Variants in RARB observed in about 807,000 individuals in gnomAD.
The protein encoded by RARB is HBV-activated protein.
RARB carries 17 observed loss-of-function variants against 51.9 expected under a neutral mutation model. That is an observed-to-expected ratio of 0.33 (90% confidence interval 0.22 to 0.49). RARB has a LOEUF of 0.49. Among genes scored for constraint, RARB ranks in the 20% least tolerant of loss-of-function variants. The probability of loss-of-function intolerance (pLI) is 0.99; values close to 1 mark genes in which losing one functional copy is unlikely to be tolerated. For missense variants in RARB, 369 were observed against 550.8 expected, an observed-to-expected ratio of 0.67 and a Z score of 3.30; for synonymous variants, 215 against 195.4, an observed-to-expected ratio of 1.10 and a Z score of -0.84.
chr3:25,103,354 C>A (rs572850281), intron 3 of RARB, among the ~76,000 whole-genome samples: 8 of 152,290 alleles, frequency 5.3e-5, no homozygotes, highest in Non-Finnish European at 1.2e-4. Context: ...GGCTTCTTCT[C>A]ACAATTCCAT....
upstream of RARB, among the ~76,000 whole-genome samples, chr3:25,426,043 C>A (rs552450528): frequency 4.6e-5 from 7 of 152,058 alleles, no homozygotes; most frequent in African/African-American, 1.5e-4. Flanking sequence ...CTCCACTGTC[C>A]GGTAAAAATG....
chr3:24,842,306 A>G (rs1041533853), intron 1 of RARB, among the ~76,000 whole-genome samples: 2 of 152,226 alleles, frequency 1.3e-5, no homozygotes, highest in African/African-American at 4.8e-5. Context: ...AAACTACTTC[A>G]AAATGGAATT....
intron 4 of RARB, among the ~76,000 whole-genome samples, chr3:25,163,052 A>G (rs950003148): frequency 6.6e-6 from 1 of 152,230 alleles, no homozygotes; most frequent in Non-Finnish European, 1.5e-5. Flanking sequence ...ACGTTAAAGC[A>G]TTTCAATGTC....
At chr3:24,916,685 T>TA (rs1393056649) in intron 2 of RARB, among the ~76,000 whole-genome samples, 1 of 141,406 alleles carries the variant, frequency 7.1e-6, no homozygotes, top group Admixed American at 7.6e-5. Flanking sequence ...ACCATTTTGG[T>TA]AAAAAGTATT....
chr3:24,913,195 A>G (rs988957315), intron 2 of RARB, among the ~76,000 whole-genome samples: 10 of 151,628 alleles, frequency 6.6e-5, no homozygotes, highest in East Asian at 1.9e-4. Flanking sequence ...TGTGTTAGCC[A>G]CGATGGTCTC....
intron 5 of RARB, among the ~76,000 whole-genome samples, chr3:25,315,140 T>C (rs967771368): frequency 6.6e-5 from 10 of 152,204 alleles, no homozygotes; most frequent in Non-Finnish European, 2.9e-5. Context: ...GGAAAAATTC[T>C]TAAGAGTACG....
chr3:24,976,547 T>A (rs1333644478), intron 2 of RARB, among the ~76,000 whole-genome samples: 1 of 152,256 alleles, frequency 6.6e-6, no homozygotes, highest in Non-Finnish European at 1.5e-5. Context: ...TTCATGTGTC[T>A]GTTGGCTGCA....
intron 5 of RARB, among the ~76,000 whole-genome samples, chr3:25,406,827 T>G (rs139924192): frequency 6.6e-6 from 1 of 152,138 alleles, no homozygotes; most frequent in African/African-American, 2.4e-5. Context: ...GAGCTTGTGC[T>G]CACGTATTTT....
At chr3:24,879,376 G>A (rs1422381507) in intron 2 of RARB, among the ~76,000 whole-genome samples, 1 of 151,518 alleles carries the variant, frequency 6.6e-6, no homozygotes, top group Non-Finnish European at 1.5e-5. Context: ...TTGCAGTGAG[G>A]CGAGATCGCA....
intron 4 of RARB, among the ~76,000 whole-genome samples, chr3:25,573,059 A>AC (rs1367606543): frequency 3.3e-5 from 5 of 151,198 alleles, no homozygotes; most frequent in South Asian, 2.1e-4. Context: ...GGAGAGATAA[A>AC]CCCCCCCAGC....
intron 2 of RARB, among the ~76,000 whole-genome samples, chr3:25,042,427 A>G (rs1334477029): frequency 2.6e-5 from 4 of 152,216 alleles, no homozygotes; most frequent in African/African-American, 7.2e-5. Context: ...TTTAACACCC[A>G]GTAATGTTTT....
intron 3 of RARB, among the ~76,000 whole-genome samples, chr3:25,502,178 G>C (rs532808208): frequency 1.3e-5 from 2 of 152,330 alleles, no homozygotes; most frequent in South Asian, 4.1e-4. Context: ...TGAGCAGTGG[G>C]CTGGGTGCTG....
chr3:25,478,369 T>A (rs1302517590), intron 2 of RARB, among the ~76,000 whole-genome samples: 1 of 152,216 alleles, frequency 6.6e-6, no homozygotes, highest in Non-Finnish European at 1.5e-5. Context: ...ACAGGCTCTT[T>A]CTTCAGTTAG....
chr3:25,433,001 A>G (rs1226092484), intron 1 of RARB, among the ~76,000 whole-genome samples: 1 of 152,220 alleles, frequency 6.6e-6, no homozygotes, highest in Non-Finnish European at 1.5e-5. Flanking sequence ...CCATACATTT[A>G]TCCTTAAATG....
At chr3:25,020,849 A>C (rs528766874) in intron 2 of RARB, among the ~76,000 whole-genome samples, 1 of 152,244 alleles carries the variant, frequency 6.6e-6, no homozygotes, top group South Asian at 2.1e-4. Context: ...CGTTGCTGTA[A>C]TCCCAGGTAC....
At chr3:25,072,379 A>G (rs1212841329) in intron 3 of RARB, among the ~76,000 whole-genome samples, 3 of 152,068 alleles carry the variant, frequency 2.0e-5, no homozygotes. Flanking sequence ...GAGAGAGTTC[A>G]CTCTGTAACC....
At chr3:25,589,803 C>T (rs1401598776) in intron 5 of RARB, among the ~76,000 whole-genome samples, 3 of 152,228 alleles carry the variant, frequency 2.0e-5, no homozygotes, top group Non-Finnish European at 4.4e-5. Context: ...GTTGGTGAGA[C>T]AGCCTGGCCT....
intron 5 of RARB, among the ~76,000 whole-genome samples, chr3:25,379,715 C>G (rs1706568633): frequency 6.6e-6 from 1 of 152,168 alleles, no homozygotes; most frequent in South Asian, 2.1e-4. Context: ...GAAGATGTCA[C>G]ATTTTGTAGA....
At chr3:24,962,864 A>C (rs553667582) in intron 2 of RARB, among the ~76,000 whole-genome samples, 33 of 152,238 alleles carry the variant, frequency 2.2e-4, no homozygotes, top group African/African-American at 7.7e-4. Context: ...AACTCAATTA[A>C]TCCTCTTAGC....
Sources: allele counts gnomAD v4.1 joint callset (sites outside exome capture counted in the v4.1 genomes callset), GRCh38; gene constraint gnomAD v4.1.1; transcripts MANE v1.5; gene names NCBI Gene and HGNC (gene_info 2026-07-23, HGNC 2026-07-21).